The following SPAG16 variants were observed in gnomAD, a reference collection of about 807,000 sequenced individuals.
SPAG16 encodes the protein sperm-associated antigen 16 protein.
A neutral mutation model predicts 80.4 loss-of-function variants in SPAG16; 86 were observed. That is an observed-to-expected ratio of 1.07 (90% CI 0.90 to 1.28). The LOEUF (loss-of-function observed/expected upper bound fraction) is 1.28. Among genes scored for constraint, SPAG16 ranks in the 50% most tolerant of loss-of-function variants. The pLI, the probability that SPAG16 is intolerant of heterozygous loss-of-function variation, is 0.00. For missense variants in SPAG16, 870 were observed against 765.3 expected, an observed-to-expected ratio of 1.14 and a Z score of -1.61; for synonymous variants, 294 against 265.9, an observed-to-expected ratio of 1.11 and a Z score of -1.03.
chr2:213,418,266 CAT>C (rs372115580), intron 9 of SPAG16, among the ~76,000 whole-genome samples: 12 of 151,370 alleles, frequency 7.9e-5, no homozygotes, highest in South Asian at 2.1e-4. Context: ...CACACACACA[CAT>C]ATATATATAT....
chr2:213,540,550 TTTAA>T (rs1293049765), intron 10 of SPAG16, among the ~76,000 whole-genome samples: 3 of 152,254 alleles, frequency 2.0e-5, no homozygotes, highest in Admixed American at 6.5e-5. Context: ...TCTTTTCATC[TTTAA>T]TTAACAAAAG....
intron 9 of SPAG16, among the ~76,000 whole-genome samples, chr2:213,393,668 G>A (rs1467035241): frequency 1.3e-5 from 2 of 151,916 alleles, no homozygotes; most frequent in East Asian, 1.9e-4. Context: ...TGGGGATGAG[G>A]GTTTTATGAA....
At chr2:213,461,559 A>G (rs1041730141) in intron 9 of SPAG16, among the ~76,000 whole-genome samples, 1 of 152,212 alleles carries the variant, frequency 6.6e-6, no homozygotes, top group African/African-American at 2.4e-5. Context: ...TATAATAAGA[A>G]AGAAGTAAGT....
intron 15 of SPAG16, among the ~76,000 whole-genome samples, chr2:214,228,040 T>TTTTG (rs1688402993): frequency 6.6e-6 from 1 of 151,950 alleles, no homozygotes; most frequent in African/African-American, 2.4e-5. Flanking sequence ...GAATATTGAA[T>TTTTG]ATGCCCTGGC....
At chr2:214,321,001 C>T (rs1696057317) in intron 15 of SPAG16, among the ~76,000 whole-genome samples, 1 of 152,146 alleles carries the variant, frequency 6.6e-6, no homozygotes, top group African/African-American at 2.4e-5. Flanking sequence ...CTTGTAGAAT[C>T]ACGTAAACAT....
chr2:214,004,085 T>A (rs143844398), intron 12 of SPAG16, among the ~76,000 whole-genome samples: 129 of 152,332 alleles, frequency 8.5e-4, no homozygotes, highest in African/African-American at 3.0e-3. Flanking sequence ...TTTTCAAGCT[T>A]CTGCCCATGC....
At chr2:214,091,973 G>C (rs976392085) in intron 13 of SPAG16, among the ~76,000 whole-genome samples, 2 of 151,998 alleles carry the variant, frequency 1.3e-5, no homozygotes, top group Non-Finnish European at 2.9e-5. Flanking sequence ...AGGTCCTTTG[G>C]TCATTGTACA....
At chr2:213,441,648 A>G (rs1368930843) in intron 9 of SPAG16, among the ~76,000 whole-genome samples, 1 of 152,230 alleles carries the variant, frequency 6.6e-6, no homozygotes, top group Non-Finnish European at 1.5e-5. Flanking sequence ...ATTCAATAAA[A>G]TGTTGAATTT....
chr2:213,412,824 A>G (rs913419047), intron 9 of SPAG16, among the ~76,000 whole-genome samples: 18 of 152,212 alleles, frequency 1.2e-4, no homozygotes, highest in African/African-American at 3.9e-4. Context: ...AGATCCTAGG[A>G]GTAGAGGCAA....
intron 10 of SPAG16, among the ~76,000 whole-genome samples, chr2:213,506,012 A>G (rs2074953426): frequency 6.6e-6 from 1 of 151,520 alleles, no homozygotes; most frequent in South Asian, 2.1e-4. Flanking sequence ...CTTCATTTGG[A>G]TTTCTTTGTA....
intron 9 of SPAG16, among the ~76,000 whole-genome samples, chr2:213,432,687 A>T (rs983840588): frequency 1.3e-5 from 2 of 152,162 alleles, no homozygotes; most frequent in Non-Finnish European, 2.9e-5. Context: ...GAAAAACTGA[A>T]ACCCATCCTC....
intron 13 of SPAG16, among the ~76,000 whole-genome samples, chr2:214,106,440 A>C (rs1268308650): frequency 1.3e-5 from 2 of 152,192 alleles, no homozygotes; most frequent in Non-Finnish European, 2.9e-5. Context: ...AAAGTGTTTC[A>C]ATTTATTTTT....
intron 15 of SPAG16, among the ~76,000 whole-genome samples, chr2:214,170,601 G>T (rs983959681): frequency 1.3e-5 from 2 of 152,078 alleles, no homozygotes; most frequent in South Asian, 2.1e-4. Context: ...AGGAAACAGG[G>T]TTATCATCAA....
Position 214,288,162 on chromosome 2 carries a change from A to G in SPAG16, c.1721-121978A>G, listed in dbSNP as rs79277423. Among the ~76,000 whole-genome samples the G allele has an allele frequency of 3.1e-3, 471 of 151,694 alleles. 3 individuals are homozygous for G. The highest frequency in any genetic ancestry group is 0.01 in the African/African-American group (417 of 41,440). On this transcript the variant is annotated intron_variant, in intron 15 of 15. Transcript: ENST00000331683. Reference sequence around the variant, plus strand: ...CTTTTTTAGCTCCCACGTATGCATGAAAACATATAGTATCTGTTGTGCTGT... The same window carrying G: ...CTTTTTTAGCTCCCACGTATGCATGGAAACATATAGTATCTGTTGTGCTGT...
intron 15 of SPAG16, among the ~76,000 whole-genome samples, chr2:214,254,072 ATCGGAGTCACTGATGATT>A (rs1178421331): frequency 6.6e-5 from 10 of 152,062 alleles, no homozygotes; most frequent in Non-Finnish European, 1.3e-4. Flanking sequence ...GCAATTGTGA[ATCGGAGTCACTGATGATT>A]TGGCTCTCTG....
intron 7 of SPAG16, among the ~76,000 whole-genome samples, chr2:213,361,980 A>G (rs1459186135): frequency 2.0e-5 from 3 of 152,128 alleles, no homozygotes; most frequent in Non-Finnish European, 2.9e-5. Flanking sequence ...GGCCAGGGTG[A>G]GAATTCTCAT....
intron 14 of SPAG16, among the ~76,000 whole-genome samples, chr2:214,126,909 T>G (rs1366081008): frequency 6.6e-6 from 1 of 151,896 alleles, no homozygotes; most frequent in Non-Finnish European, 1.5e-5. Context: ...CCCAAGTACT[T>G]AAGAAATGAT....
chr2:214,043,437 C>T (rs1045104838), intron 13 of SPAG16, among the ~76,000 whole-genome samples: 1 of 152,156 alleles, frequency 6.6e-6, no homozygotes, highest in African/African-American at 2.4e-5. Flanking sequence ...CCCAGGAGCA[C>T]TCAACCCCCC....
intron 14 of SPAG16, among the ~76,000 whole-genome samples, chr2:214,148,022 T>G (rs1256931388): frequency 1.3e-5 from 2 of 152,132 alleles, no homozygotes; most frequent in Non-Finnish European, 2.9e-5. Context: ...AATGAGAGGA[T>G]AGTTTTTAAG....
Sources: gnomAD v4.1 joint callset for allele counts (sites outside exome capture counted in the v4.1 genomes callset) on GRCh38, gnomAD v4.1.1 for gene constraint, MANE v1.5 for transcripts, NCBI Gene and HGNC (gene_info 2026-07-23, HGNC 2026-07-21) for gene names.